PGAP1: variants seen among roughly 807,000 people sequenced by gnomAD.
The protein encoded by PGAP1 is post-GPI attachment to proteins inositol deacylase 1, also known as GPI inositol-deacylase.
Under a neutral mutation model 127.0 loss-of-function variants are expected in PGAP1, and 76 were observed. The ratio of observed to expected loss-of-function variants is 0.60; its 90% CI spans 0.50 to 0.72. The LOEUF (loss-of-function observed/expected upper bound fraction) is 0.72. Ranked by LOEUF, PGAP1 falls within the 30% of genes least tolerant of loss-of-function variation. The pLI, the probability that PGAP1 is intolerant of heterozygous loss-of-function variation, is 0.00. For missense variants in PGAP1, 982 were observed against 1,071.3 expected (o/e 0.92, Z 1.16); for synonymous variants, 362 against 366.5 (o/e 0.99, Z 0.14).
At chr2:196,850,373 T>C (rs1700683016) in intron 20 of PGAP1, among the ~76,000 whole-genome samples, 2 of 152,232 alleles carry the variant, frequency 1.3e-5, no homozygotes, top group African/African-American at 2.4e-5. Flanking sequence ...TACTGTGTGC[T>C]TGGCACTATC....
chr2:196,893,280 G>T, intron 7 of PGAP1, 35 bp from the exon 8 acceptor site: 1 of 1,142,934 alleles, frequency 8.7e-7, no homozygotes, highest in Non-Finnish European at 1.3e-6. Flanking sequence ...GTATCATTTT[G>T]TATCTATTGT....
chr2:196,853,650 C>T (rs897259211), intron 20 of PGAP1, among the ~76,000 whole-genome samples: 3 of 152,050 alleles, frequency 2.0e-5, no homozygotes, highest in African/African-American at 7.2e-5. Flanking sequence ...AATAAAAAAC[C>T]TAATAAAGAT....
intron 13 of PGAP1, 57 bp downstream of exon 13, chr2:196,880,019 T>C (rs1701682651): frequency 7.8e-7 from 1 of 1,277,654 alleles, no homozygotes; most frequent in African/African-American, 1.5e-5. Context: ...AAAAGAACTG[T>C]AAAATTTAGC....
intron 4 of PGAP1, among the ~76,000 whole-genome samples, chr2:196,904,790 C>A (rs1323500115): frequency 1.3e-5 from 2 of 151,936 alleles, no homozygotes; most frequent in African/African-American, 4.8e-5. Flanking sequence ...AGTAAAGATA[C>A]AGGCTCCACG....
rs147910132 is a variant in PGAP1, at chr2:196,916,377, G to A, written c.477+41C>T. 529 of 1,472,842 alleles carry A rather than the reference G, an allele frequency of 3.6e-4. 1 individual carries two copies. The African/African-American group carries it at 6.7e-3, about 19-fold the overall frequency. The allele number at this position is 1,472,842 out of a possible 1,614,324, so 91.2% of individuals were successfully genotyped here. A position where few individuals can be genotyped will look rare whatever the true frequency, so the allele number is the denominator to read the frequency against. ...TGAATCCCTTTTTTAAAAAGGTGCC[G>A]ATAGGTTGCACCACTATTGATTTGC... On this transcript the variant is annotated intron_variant, in intron 3 of 26. Coordinates refer to ENST00000354764, the MANE Select transcript of PGAP1 (RefSeq NM_024989.4).
intron 13 of PGAP1, among the ~76,000 whole-genome samples, chr2:196,879,649 T>C (rs1040512919): frequency 2.0e-5 from 3 of 152,072 alleles, no homozygotes; most frequent in African/African-American, 7.2e-5. Flanking sequence ...GAGCCAAGGT[T>C]GCGCCACTGC....
intron 10 of PGAP1, among the ~76,000 whole-genome samples, chr2:196,887,339 G>A (rs901628777): frequency 2.0e-5 from 3 of 152,024 alleles, no homozygotes; most frequent in African/African-American, 4.8e-5. Flanking sequence ...AGCCGAGATC[G>A]CGCCACTGCA....
In PGAP1 at chr2:196,833,017, A is replaced by G. The variant is rs976173314; in HGVS notation, c.*8217T>C. The G allele has an allele frequency of 2.6e-5, 4 of 152,266 alleles. No individual in the cohort carries two copies. The highest frequency in any genetic ancestry group is 2.6e-4 in the Admixed American group (4 of 15,248). 9.4% of individuals were successfully genotyped at this position (152,266 alleles called of 1,614,324 possible). Reference sequence around the variant, plus strand: ...CTTTTTACCATGTGCGTATTCAACCAAATTTATTTTTGAACATTCAGAACA... The same window carrying G: ...CTTTTTACCATGTGCGTATTCAACCGAATTTATTTTTGAACATTCAGAACA... On this transcript the variant is annotated 3_prime_UTR_variant, in exon 27 of 27. Coordinates refer to ENST00000354764, the MANE Select transcript of PGAP1 (RefSeq NM_024989.4).
chr2:196,920,080 G>T lies in PGAP1; in HGVS notation c.218C>A (p.Ser73Tyr), dbSNP rs750301892. ...GAGAATTTTGTGTTCTTCAGCATAG[G>T]ATCCCTCTCCATAAAGATACAACTC... ...AYELYLYGEG[S>Y]YAEEHKILPL... The change falls in exon 2 of 27, where the codon TCC becomes TAC. Residue 73 changes from serine (S) to tyrosine (Y), a missense_variant. Ser to Tyr is a moderately radical substitution (Grantham distance 144, BLOSUM62 -2). Transcript: ENST00000354764. The T allele has an allele frequency of 1.2e-6, 2 of 1,613,128 alleles. No homozygotes were observed. The highest frequency in any genetic ancestry group is 4.5e-5 in the East Asian group (2 of 44,848).
rs752053069 is a variant in PGAP1, at chr2:196,844,606, T to C, written c.2287-32A>G. On this transcript the variant is annotated intron_variant, in intron 23 of 26. Transcript: ENST00000354764. ...AAAATAAATTGCTCTTTAATTTTAC[T>C]TTTATTTTGAAACAAAACATATAAG... 1.8e-5 allele frequency: 27 copies of C among 1,504,144 alleles called. No individual in the cohort carries two copies. In the Admixed American group the frequency reaches 5.0e-4, roughly 28 times the overall value. 93.2% of individuals were successfully genotyped at this position (1,504,144 alleles called of 1,614,324 possible).
chr2:196,921,956 T>C (rs542807373), intron 1 of PGAP1: 1 of 200,150 alleles, frequency 5.0e-6, no homozygotes, highest in South Asian at 1.1e-4. Flanking sequence ...AGCATAGGCA[T>C]ACAAATAGGA....
intron 1 of PGAP1, among the ~76,000 whole-genome samples, chr2:196,923,715 A>C (rs6740630): frequency 0.9 from 136,584 of 151,090 alleles, 61,759 homozygotes; most frequent in East Asian, 0.97. Context: ...GCCTGGAGTG[A>C]AATGGCACAA....
chr2:196,912,959 T>C lies in PGAP1; in HGVS notation c.572A>G (p.His191Arg). The C allele has an allele frequency of 6.2e-7, 1 of 1,613,944 alleles. No homozygotes were observed. Among genetic ancestry groups the C allele is most frequent in the Non-Finnish European group, 8.5e-7 (1 of 1,179,914 alleles). The change falls in exon 4 of 27, where the codon CAT becomes CGT. Residue 191 changes from histidine to arginine, a missense_variant. Physicochemically the swap from His to Arg is conservative, Grantham distance 29 (BLOSUM62 0). Coordinates refer to ENST00000354764, the MANE Select transcript of PGAP1 (RefSeq NM_024989.4). ...TGTAATAAGAAGATTTATCAGATCA[T>C]GCTTAAAATTTTTCAGTGTAAGCAA... ...RALLTLKNFK[H>R]DLINLLITQA...
chr2:196,848,900 G>A (rs1405389683), intron 20 of PGAP1, among the ~76,000 whole-genome samples: 5 of 152,236 alleles, frequency 3.3e-5, no homozygotes, highest in East Asian at 3.9e-4. Flanking sequence ...TCACAGTAGC[G>A]ACACTATTTT....
Position 196,916,902 on chromosome 2 carries a change from T to C in PGAP1, c.302-309A>G, listed in dbSNP as rs568634062. 1.6e-4 allele frequency among the ~76,000 whole-genome samples: 24 copies of C among 152,336 alleles called. No individual in the cohort carries two copies. The East Asian group carries it at 4.6e-3, about 29-fold the overall frequency. ...TAAAAGGGCAGGATTCTTTGAAGAATAAGACATATAAATTTTGCCACACTT... is the reference window on the plus strand; with the variant it reads ...TAAAAGGGCAGGATTCTTTGAAGAACAAGACATATAAATTTTGCCACACTT... On this transcript the variant is annotated intron_variant, in intron 2 of 26. Coordinates refer to ENST00000354764, the MANE Select transcript of PGAP1 (RefSeq NM_024989.4).
In PGAP1 at chr2:196,922,672, CTTTTTTT is replaced by C. The variant is rs763237138; in HGVS notation, c.148-2529_148-2523del. 12 of 115,240 alleles carry C rather than the reference CTTTTTTT, an allele frequency of 1.0e-4. 1 individual carries two copies. The highest frequency in any genetic ancestry group is 6.0e-4 in the Admixed American group (6 of 10,004). The allele number at this position is 115,240 out of a possible 1,614,324, so 7.1% of individuals were successfully genotyped here. ...ATCTGGCTCTAATTATTCTTACCTA[CTTTTTTT>C]TTTTTTTTTTTTTTTTTTGAGACAG... On this transcript the variant is annotated intron_variant, in intron 1 of 26. Transcript: ENST00000354764.
Position 196,920,168 on chromosome 2 carries a change from T to C in PGAP1, c.148-18A>G, listed in dbSNP as rs767260257. 6.2e-5 allele frequency: 99 copies of C among 1,589,576 alleles called. No homozygotes were observed. Among genetic ancestry groups the C allele is most frequent in the Non-Finnish European group, 8.2e-5 (96 of 1,169,100 alleles). On this transcript the variant is annotated intron_variant, in intron 1 of 26. Coordinates refer to ENST00000354764, the MANE Select transcript of PGAP1 (RefSeq NM_024989.4). ...TCTATTTTCTACATTTAAAAAAAAG[T>C]AGTTTCACTTTAATCAGTTTTATTA...
At chr2:196,902,019 C>A (rs1702508910) in intron 5 of PGAP1, among the ~76,000 whole-genome samples, 1 of 151,842 alleles carries the variant, frequency 6.6e-6, no homozygotes, top group East Asian at 1.9e-4. Flanking sequence ...TTTGTACTTA[C>A]TTTTTTTTGT....
In PGAP1 at chr2:196,839,234, C is replaced by T. The variant is rs1313116827; in HGVS notation, c.*2000G>A. 4 of 152,450 alleles carry T rather than the reference C, an allele frequency of 2.6e-5. No homozygotes were observed. The highest frequency in any genetic ancestry group is 1.5e-5 in the Non-Finnish European group (1 of 67,998). 9.4% of individuals were successfully genotyped at this position (152,450 alleles called of 1,614,324 possible). The stretch of plus-strand genomic sequence containing the variant: ...GTTCTTTCTGTATATGGAACTAAGT[C>T]CAAATTCAGAAATAGTTTAAGGACA... On this transcript the variant is annotated 3_prime_UTR_variant, in exon 27 of 27. Transcript: ENST00000354764.
Sources: gnomAD v4.1 joint callset for allele counts (sites outside exome capture counted in the v4.1 genomes callset) on GRCh38, gnomAD v4.1.1 for gene constraint, MANE v1.5 for transcripts, NCBI Gene and HGNC (gene_info 2026-07-23, HGNC 2026-07-21) for gene names.